The following POLR2F variants were observed in gnomAD, a reference collection of about 807,000 sequenced individuals.
POLR2F encodes DNA-directed RNA polymerases I, II, and III subunit RPABC2.
A neutral mutation model predicts 22.7 loss-of-function variants in POLR2F; 12 were observed. That is an observed-to-expected ratio of 0.53 (90% CI 0.34 to 0.86). The LOEUF (loss-of-function observed/expected upper bound fraction) is 0.86, where lower values mean the gene tolerates loss of function less well. Ranked by LOEUF, POLR2F falls within the 40% of genes least tolerant of loss-of-function variation. POLR2F has a pLI of 0.02. For missense variants in POLR2F, 126 were observed against 171.5 expected (o/e 0.73, Z 1.48); for synonymous variants, 57 against 66.0 (o/e 0.86, Z 0.66).
chr22:38,022,165 G>A (rs2084965430), intron 1 of POLR2F, among the ~76,000 whole-genome samples: 1 of 151,260 alleles, frequency 6.6e-6, no homozygotes, highest in Non-Finnish European at 1.5e-5. Context: ...TCCTGAGTTT[G>A]GATAGTATGA....
intron 1 of POLR2F, among the ~76,000 whole-genome samples, chr22:38,006,121 T>C (rs2084819001): frequency 6.6e-6 from 1 of 151,936 alleles, no homozygotes. Context: ...TTTGGGAGGA[T>C]TGCTTGAACC....
chr22:38,020,350 C>T (rs1489955275), intron 1 of POLR2F, among the ~76,000 whole-genome samples: 2 of 151,918 alleles, frequency 1.3e-5, no homozygotes, highest in African/African-American at 4.8e-5. Context: ...CTGCAACCTC[C>T]TCCTCCCGGA....
At chr22:37,995,673 G>A (rs897104803) in intron 1 of POLR2F, among the ~76,000 whole-genome samples, 3 of 152,018 alleles carry the variant, frequency 2.0e-5, no homozygotes, top group Non-Finnish European at 2.9e-5. Flanking sequence ...GACAGAATGG[G>A]GGGTAAAAAG....
chr22:38,023,808 G>C (rs947144430), intron 1 of POLR2F, among the ~76,000 whole-genome samples: 2 of 149,914 alleles, frequency 1.3e-5, no homozygotes, highest in African/African-American at 4.9e-5. Flanking sequence ...GAGAAGCTGG[G>C]ATTACAGGTG....
intron 3 of POLR2F, among the ~76,000 whole-genome samples, chr22:37,965,866 T>C (rs1282770759): frequency 6.6e-6 from 1 of 152,170 alleles, no homozygotes; most frequent in East Asian, 1.9e-4. Context: ...TGCTCTCCTG[T>C]TAATTCTGGA....
At chr22:37,965,115 C>T (rs547717301) in intron 3 of POLR2F, among the ~76,000 whole-genome samples, 33 of 152,310 alleles carry the variant, frequency 2.2e-4, no homozygotes, top group East Asian at 2.1e-3. Context: ...AAGCGATTCT[C>T]ATGCCTCAGC....
chr22:38,025,944 C>T lies in POLR2F; in HGVS notation c.198C>T (p.Ile66=), dbSNP rs370619116. 7.5e-6 allele frequency: 5 copies of T among 663,376 alleles called. No homozygotes were observed. In the African/African-American group the frequency reaches 8.9e-5, roughly 12 times the overall value. The allele number at this position is 663,376 out of a possible 1,614,324, so 41.1% of individuals were successfully genotyped here. ...GAGCGCTCAACAGATGCTCTGAAAT[C>T]AATGACTCTGAATCTAGAAGTCAAC... Residue 66 remains isoleucine (I), a synonymous_variant, in exon 2 of 3, where the codon ATC becomes ATT. Coordinates refer to the POLR2F transcript ENST00000333418.
chr22:38,038,479 G>A (rs1330750562), intron 5 of POLR2F, among the ~76,000 whole-genome samples: 2 of 152,082 alleles, frequency 1.3e-5, no homozygotes, highest in East Asian at 3.9e-4. Flanking sequence ...AGCCACCCGG[G>A]CACAGGATGG....
chr22:37,997,458 C>T lies in POLR2F; in HGVS notation c.120+11146C>T, dbSNP rs2084726069. Reference sequence around the variant, plus strand: ...TGTCTCTGTCTCTCCCTGTTTTTCTCTCCCTGATGCGTTCTCTCTGTCCCT... The same window carrying T: ...TGTCTCTGTCTCTCCCTGTTTTTCTTTCCCTGATGCGTTCTCTCTGTCCCT... On this transcript the variant is annotated intron_variant, in intron 1 of 2. Coordinates refer to the POLR2F transcript ENST00000333418. The surrounding 1 kb of genome is among the most constrained non-coding windows in gnomAD (Gnocchi z 4.4). Among the ~76,000 whole-genome samples, 2 of 152,150 alleles carry T rather than the reference C, an allele frequency of 1.3e-5. No individual in the cohort carries two copies.
chr22:37,993,652 A>G (rs1932759810), intron 1 of POLR2F, among the ~76,000 whole-genome samples: 1 of 152,114 alleles, frequency 6.6e-6, no homozygotes. Flanking sequence ...CCATGCCTCA[A>G]TCTCCTGTCT....
downstream of POLR2F, among the ~76,000 whole-genome samples, chr22:38,030,765 C>G (rs1319044474): frequency 6.6e-6 from 1 of 152,054 alleles, no homozygotes. Context: ...AAGAAGAGGT[C>G]ATGCAGTGGG....
intron 1 of POLR2F, among the ~76,000 whole-genome samples, chr22:37,998,864 A>G (rs1242128324): frequency 6.6e-6 from 1 of 150,750 alleles, no homozygotes; most frequent in Non-Finnish European, 1.5e-5. Context: ...AGGAGAGGAG[A>G]GGTGTGGTGG....
intron 1 of POLR2F, among the ~76,000 whole-genome samples, chr22:38,019,563 A>G (rs965702675): frequency 1.3e-5 from 2 of 152,194 alleles, no homozygotes; most frequent in African/African-American, 4.8e-5. Flanking sequence ...GTTCACAGGA[A>G]TCTGCCCAGG....
At chr22:38,001,473 G>A (rs1180849188) in intron 1 of POLR2F, among the ~76,000 whole-genome samples, 1 of 152,220 alleles carries the variant, frequency 6.6e-6, no homozygotes, top group Non-Finnish European at 1.5e-5. Flanking sequence ...GACACAGAGA[G>A]CGATGAGCAC....
At chr22:37,973,203 A>T (rs1932110888), downstream of POLR2F, 1 of 382,112 alleles carries the variant, frequency 2.6e-6, no homozygotes, top group South Asian at 7.0e-5. Context: ...AGGTCCTGGG[A>T]TAGAGGGTCA....
chr22:38,023,022 A>G (rs949718066), intron 1 of POLR2F, among the ~76,000 whole-genome samples: 1 of 152,322 alleles, frequency 6.6e-6, no homozygotes, highest in Middle Eastern at 3.4e-3. Context: ...TGAAGAAACA[A>G]ACAGACAAAA....
At chr22:38,002,437 T>C (rs924562100) in intron 1 of POLR2F, among the ~76,000 whole-genome samples, 4 of 152,006 alleles carry the variant, frequency 2.6e-5, no homozygotes, top group Non-Finnish European at 5.9e-5. Flanking sequence ...TCTTATAAAG[T>C]GTCCAGGGCA....
intron 4 of POLR2F, among the ~76,000 whole-genome samples, chr22:37,979,682 C>T (rs1333291158): frequency 6.6e-6 from 1 of 152,052 alleles, no homozygotes. Flanking sequence ...CTGAAGCCAG[C>T]GCCCTTGCCA....
rs185098890 is a variant in POLR2F, at chr22:37,974,440, C to A, written c.293+7270C>A. Among the ~76,000 whole-genome samples the A allele has an allele frequency of 1.1e-3, 162 of 151,268 alleles. No homozygotes were observed. The highest frequency in any genetic ancestry group is 3.9e-3 in the African/African-American group (159 of 40,992). On this transcript the variant is annotated intron_variant, in intron 4 of 4. Transcript: ENST00000405557. This position sits in a 1 kb window ranked among gnomAD's most constrained non-coding sequence, Gnocchi z 5.4. ...CCATCTCGGCTCACTGCAACCTCTGCCTCCTGGGTTCAAATGATTCTCCTG... is the reference window on the plus strand; with the variant it reads ...CCATCTCGGCTCACTGCAACCTCTGACTCCTGGGTTCAAATGATTCTCCTG...
Sources: gnomAD v4.1 joint callset for allele counts (sites outside exome capture counted in the v4.1 genomes callset) on GRCh38, gnomAD v4.1.1 for gene constraint, Gnocchi (gnomAD v3.1) non-coding constraint, MANE v1.5 for transcripts, NCBI Gene and HGNC (gene_info 2026-07-23, HGNC 2026-07-21) for gene names.